Variants in NLRP13 observed in about 807,000 individuals in gnomAD.
The protein encoded by NLRP13 is NACHT, LRR and PYD domains-containing protein 13.
Under a neutral mutation model 94.4 loss-of-function variants are expected in NLRP13, and 82 were observed. The observed-to-expected ratio is 0.87, with a 90% CI of 0.73 to 1.04. The LOEUF (loss-of-function observed/expected upper bound fraction) is 1.04. Ranked by LOEUF, NLRP13 falls within the 50% of genes least tolerant of loss-of-function variation. The probability of loss-of-function intolerance (pLI) is 0.00; values close to 1 mark genes in which losing one functional copy is unlikely to be tolerated. For missense variants in NLRP13, 1,426 were observed against 1,230.8 expected (o/e 1.16, Z -2.37); for synonymous variants, 553 against 464.7 (o/e 1.19, Z -2.45).
At chr19:55,896,142 C>G (rs574240259) in intron 10 of NLRP13, 23 bp from the exon 11 acceptor site, 4 of 1,611,986 alleles carry the variant, frequency 2.5e-6, no homozygotes, top group South Asian at 1.1e-5. Flanking sequence ...GGGAAGAAAG[C>G]ACAACAGATA....
At chr19:55,930,534 A>AAG (rs1987086265) in intron 1 of NLRP13, among the ~76,000 whole-genome samples, 1 of 151,672 alleles carries the variant, frequency 6.6e-6, no homozygotes, top group Non-Finnish European at 1.5e-5. Flanking sequence ...ACAAATACAA[A>AAG]AATTAGCCGG....
chr19:55,930,895 TATAAAA>T (rs1210881585), intron 1 of NLRP13, among the ~76,000 whole-genome samples: 3 of 124,284 alleles, frequency 2.4e-5, no homozygotes, highest in African/African-American at 6.3e-5. Context: ...TATATATATA[TATAAAA>T]TTTTAACCAG....
At chr19:55,910,448 T>A (rs561502601) in intron 6 of NLRP13, 115 bp downstream of exon 6, 1 of 980,684 alleles carries the variant, frequency 1.0e-6, no homozygotes, top group African/African-American at 1.6e-5. Context: ...GTTTATTTTA[T>A]CCTCCTGAGC....
intron 10 of NLRP13, among the ~76,000 whole-genome samples, chr19:55,898,217 T>TTTG (rs1568685987): frequency 2.0e-5 from 3 of 149,448 alleles, no homozygotes; most frequent in East Asian, 2.0e-4. Flanking sequence ...TTTTTGTTTT[T>TTTG]TTTTTTTTTG....
intron 6 of NLRP13, among the ~76,000 whole-genome samples, chr19:55,910,113 C>T (rs1986461964): frequency 6.6e-6 from 1 of 152,200 alleles, no homozygotes; most frequent in Non-Finnish European, 1.5e-5. Flanking sequence ...ACTGCTAGAA[C>T]CTCAGAACTG....
At position 55,932,161 on chromosome 19, in the gene NLRP13, GC is replaced by G. The variant is rs1479159706; in HGVS notation, c.150del (p.His51ThrfsTer10). On this transcript the variant is annotated frameshift_variant, in exon 1 of 11. Coordinates refer to ENST00000342929, the MANE Select transcript of NLRP13 (RefSeq NM_176810.2). LOFTEE classifies it high-confidence loss of function. Reference protein sequence around the residue: ...QLMDFWSAPQGHFPRIPWANL... With the variant: ...QLMDFWSAPQXHFPRIPWANL... ...TTTGCCCAGGGGATACGCGGGAAGT[GC>G]CCCTGGGGGGCCGACCAGAAGTCCA... is the stretch of plus-strand genomic sequence containing the variant. 8 of 1,614,154 alleles carry G rather than the reference GC, an allele frequency of 5.0e-6. No individual in the cohort carries two copies. Among genetic ancestry groups the G allele is most frequent in the Non-Finnish European group, 6.8e-6 (8 of 1,180,000 alleles).
intron 9 of NLRP13, among the ~76,000 whole-genome samples, chr19:55,900,505 C>T (rs1986135847): frequency 6.6e-6 from 1 of 152,084 alleles, no homozygotes; most frequent in South Asian, 2.1e-4. Context: ...GGCGCGGTGG[C>T]TCACGCCTGT....
rs1321830119 is a variant in NLRP13 at position 55,895,976 on chromosome 19, T to G, written c.3101A>C (p.Lys1034Thr). The change falls in exon 11 of 11, where the codon AAG becomes ACG. Residue 1034 changes from lysine to threonine, a missense_variant. Transcript: ENST00000342929. The part of the protein sequence containing the change: ...GVKMLCKALK[K>T]STCRLQKLG ...GAGTTTCTGCAGCCTGCATGTCGAC[T>G]TTTTCAAAGCCTTACATAGCATCTT... The G allele has an allele frequency of 6.2e-7, 1 of 1,613,976 alleles. No homozygotes were observed. The highest frequency in any genetic ancestry group is 2.2e-5 in the East Asian group (1 of 44,876).
rs370158499 is a variant in NLRP13, at chr19:55,898,262, T to G, written c.2957+508A>C. 2.7e-4 allele frequency among the ~76,000 whole-genome samples: 39 copies of G among 142,722 alleles called. 1 individual carries two copies. The highest frequency in any genetic ancestry group is 9.9e-4 in the African/African-American group (38 of 38,386). The allele number at this position is 142,722 out of a possible 152,430, so 93.6% of individuals were successfully genotyped here. On this transcript the variant is annotated intron_variant, in intron 10 of 10. Transcript: ENST00000342929. ...TTCGCTCTTGTCTCCCAGGCTGGAG[T>G]GCAATGGCACAATCTCAGCTCACTG...
Position 55,899,175 on chromosome 19 carries a change from G to A in NLRP13, c.2790-238C>T, listed in dbSNP as rs939233517. Among the ~76,000 whole-genome samples, 11 of 151,854 alleles carry A rather than the reference G, an allele frequency of 7.2e-5. No homozygotes were observed. In the South Asian group the frequency reaches 1.3e-3, roughly 17 times the overall value. ...CAGCCCTCTCCCTCCCACGCCCCCC[G>A]CAGGTGCATGAACGTGAAGGGCCTC... On this transcript the variant is annotated intron_variant, in intron 9 of 10. Coordinates refer to ENST00000342929, the MANE Select transcript of NLRP13 (RefSeq NM_176810.2).
chr19:55,930,686 C>CA (rs9304769), intron 1 of NLRP13, among the ~76,000 whole-genome samples: 8,269 of 93,850 alleles, frequency 0.088, 415 homozygotes, highest in Non-Finnish European at 0.11. Context: ...AACTCCATCT[C>CA]AAAAAAAAAA....
At chr19:55,899,839 AAG>A (rs1358211440) in intron 9 of NLRP13, among the ~76,000 whole-genome samples, 2 of 152,152 alleles carry the variant, frequency 1.3e-5, no homozygotes, top group Non-Finnish European at 2.9e-5. Context: ...GGCCAAGTGT[AAG>A]AGAACTGCCA....
chr19:55,920,892 A>C (rs1469993167), intron 4 of NLRP13, among the ~76,000 whole-genome samples: 1 of 152,058 alleles, frequency 6.6e-6, no homozygotes, highest in East Asian at 1.9e-4. Context: ...AATGTGGTGT[A>C]TGTATGTATG....
At chr19:55,931,535 C>A (rs558941358) in intron 1 of NLRP13, among the ~76,000 whole-genome samples, 2 of 151,084 alleles carry the variant, frequency 1.3e-5, no homozygotes, top group East Asian at 2.0e-4. Context: ...AGTGAAACCC[C>A]GTCTCTACTA....
At chr19:55,910,230 C>T (rs566385323) in intron 6 of NLRP13, among the ~76,000 whole-genome samples, 7 of 152,336 alleles carry the variant, frequency 4.6e-5, no homozygotes, top group South Asian at 2.1e-4. Context: ...TCAGACTACA[C>T]GTGTCTGTAG....
At chr19:55,917,315 A>G (rs1986697634) in intron 4 of NLRP13, among the ~76,000 whole-genome samples, 1 of 152,092 alleles carries the variant, frequency 6.6e-6, no homozygotes, top group South Asian at 2.1e-4. Context: ...CACAAAGGAG[A>G]AAGAAATCAA....
chr19:55,897,669 T>A (rs946263679), intron 10 of NLRP13, among the ~76,000 whole-genome samples: 5 of 152,204 alleles, frequency 3.3e-5, no homozygotes, highest in Non-Finnish European at 4.4e-5. Context: ...GCACTGCAGA[T>A]AACGTTAACC....
intron 8 of NLRP13, 146 bp downstream of exon 8, chr19:55,904,796 T>C: frequency 1.6e-6 from 1 of 638,014 alleles, no homozygotes; most frequent in Admixed American, 3.2e-5. Context: ...ACTCTGAATC[T>C]GTTTTAGAGC....
intron 9 of NLRP13, 143 bp downstream of exon 9, chr19:55,901,892 A>AC (rs1323189193): frequency 8.6e-6 from 7 of 817,156 alleles, no homozygotes; most frequent in Non-Finnish European, 1.3e-5. Flanking sequence ...CCCATCCCAC[A>AC]CCCCCGACAA....
Sources: gnomAD v4.1 joint callset for allele counts (sites outside exome capture counted in the v4.1 genomes callset) on GRCh38, gnomAD v4.1.1 for gene constraint, MANE v1.5 for transcripts, NCBI Gene and HGNC (gene_info 2026-07-23, HGNC 2026-07-21) for gene names.